Variants in GRID1 observed in about 807,000 individuals in gnomAD.
The protein encoded by GRID1 is glutamate receptor ionotropic, delta-1.
GRID1 carries 28 observed loss-of-function variants against 98.0 expected under a neutral mutation model. That is an observed-to-expected ratio of 0.29 (90% CI 0.21 to 0.39). The LOEUF (loss-of-function observed/expected upper bound fraction) is 0.39, where lower values mean the gene tolerates loss of function less well. Among genes scored for constraint, GRID1 ranks in the 10% least tolerant of loss-of-function variants. The pLI is 1.00. For synonymous variants in GRID1, 553 were observed against 538.5 expected (o/e 1.03, Z -0.37); for missense variants, 1,111 against 1,340.5 (o/e 0.83, Z 2.67).
At chr10:86,272,581 A>G (rs1322469612) in intron 2 of GRID1, among the ~76,000 whole-genome samples, 3 of 152,210 alleles carry the variant, frequency 2.0e-5, no homozygotes, top group Non-Finnish European at 4.4e-5. Flanking sequence ...AAGGATTGAT[A>G]CAAGACACTC....
At chr10:85,909,244 C>G (rs562404593) in intron 5 of GRID1, among the ~76,000 whole-genome samples, 11 of 152,182 alleles carry the variant, frequency 7.2e-5, no homozygotes, top group African/African-American at 2.4e-4. Context: ...CAGTGAGGAC[C>G]ATTACACACC....
chr10:85,859,174 T>G (rs1298771728), intron 6 of GRID1, among the ~76,000 whole-genome samples: 11 of 152,360 alleles, frequency 7.2e-5, no homozygotes, highest in Non-Finnish European at 1.5e-4. Flanking sequence ...CAGCAAACTT[T>G]GAGCTCTTTA....
chr10:85,889,600 T>C (rs775185462), intron 5 of GRID1, among the ~76,000 whole-genome samples: 1 of 152,230 alleles, frequency 6.6e-6, no homozygotes, highest in Non-Finnish European at 1.5e-5. Context: ...GACACTTAGG[T>C]TGTTTCCATA....
intron 2 of GRID1, among the ~76,000 whole-genome samples, chr10:86,253,881 G>T (rs983061513): frequency 3.3e-5 from 5 of 152,016 alleles, no homozygotes; most frequent in Admixed American, 2.6e-4. Flanking sequence ...CTATGACAAA[G>T]CCATACCTTC....
chr10:85,960,101 G>T (rs375879482), intron 4 of GRID1, among the ~76,000 whole-genome samples: 1 of 151,958 alleles, frequency 6.6e-6, no homozygotes, highest in Non-Finnish European at 1.5e-5. Context: ...GTAGAGACAG[G>T]GTTGGCCAGG....
intron 2 of GRID1, among the ~76,000 whole-genome samples, chr10:86,298,323 C>G (rs1190246489): frequency 1.3e-5 from 2 of 152,106 alleles, no homozygotes; most frequent in Non-Finnish European, 2.9e-5. Flanking sequence ...TGTCTATGGA[C>G]CAAGGACTGG....
intron 4 of GRID1, among the ~76,000 whole-genome samples, chr10:86,017,463 A>C (rs1321027541): frequency 6.6e-6 from 1 of 152,210 alleles, no homozygotes; most frequent in Non-Finnish European, 1.5e-5. Context: ...AGCCATCAGC[A>C]TGCGGAGACA....
intron 4 of GRID1, among the ~76,000 whole-genome samples, chr10:86,123,142 G>A (rs1013498891): frequency 1.1e-4 from 16 of 152,308 alleles, no homozygotes; most frequent in East Asian, 7.7e-4. Context: ...CCAGTGCCCC[G>A]GGGGATCTGG....
intron 8 of GRID1, among the ~76,000 whole-genome samples, chr10:85,822,831 A>T (rs1842785448): frequency 1.3e-5 from 2 of 152,244 alleles, no homozygotes; most frequent in Non-Finnish European, 2.9e-5. Flanking sequence ...AATGTGGCAC[A>T]TATACACCAT....
At chr10:85,760,733 A>G (rs1842139520) in intron 8 of GRID1, among the ~76,000 whole-genome samples, 1 of 152,190 alleles carries the variant, frequency 6.6e-6, no homozygotes. Context: ...TTCCTGTTTT[A>G]TCTTCCCTAA....
At chr10:85,684,248 C>T (rs1469772992) in intron 12 of GRID1, among the ~76,000 whole-genome samples, 1 of 151,972 alleles carries the variant, frequency 6.6e-6, no homozygotes, top group Non-Finnish European at 1.5e-5. Context: ...TATACATGCC[C>T]CTAAAACAAT....
intron 4 of GRID1, among the ~76,000 whole-genome samples, chr10:86,076,868 CTTCTTCCCATGG>C (rs1843889828): frequency 7.1e-6 from 1 of 140,984 alleles, no homozygotes; most frequent in Admixed American, 7.1e-5. Flanking sequence ...TCTCTGGCTT[CTTCTTCCCATGG>C]CCTTCTCCCT....
chr10:86,225,226 A>G (rs1846321595), intron 2 of GRID1, among the ~76,000 whole-genome samples: 1 of 152,170 alleles, frequency 6.6e-6, no homozygotes, highest in South Asian at 2.1e-4. Context: ...TGACTTGTCC[A>G]GGAGCCCGAG....
At chr10:85,893,451 C>T (rs1237800578) in intron 5 of GRID1, among the ~76,000 whole-genome samples, 1 of 152,072 alleles carries the variant, frequency 6.6e-6, no homozygotes, top group Non-Finnish European at 1.5e-5. Flanking sequence ...TCACTATATT[C>T]AGGGATGGCA....
At chr10:85,926,207 G>A (rs1172916056) in intron 4 of GRID1, among the ~76,000 whole-genome samples, 3 of 152,146 alleles carry the variant, frequency 2.0e-5, no homozygotes, top group Non-Finnish European at 4.4e-5. Flanking sequence ...CACTGGGGGA[G>A]AAGAGGTGGA....
At chr10:85,920,101 G>A (rs1841681652) in intron 4 of GRID1, among the ~76,000 whole-genome samples, 1 of 152,092 alleles carries the variant, frequency 6.6e-6, no homozygotes, top group Non-Finnish European at 1.5e-5. Flanking sequence ...AGCTTTTCAG[G>A]ATGGAGCCAA....
intron 8 of GRID1, among the ~76,000 whole-genome samples, chr10:85,768,979 T>A (rs1292289365): frequency 6.6e-6 from 1 of 152,228 alleles, no homozygotes; most frequent in South Asian, 2.1e-4. Context: ...AGATTGGAAA[T>A]AGCTTAAATG....
intron 12 of GRID1, among the ~76,000 whole-genome samples, chr10:85,651,143 C>T (rs117120347): frequency 6.6e-6 from 1 of 152,362 alleles, no homozygotes; most frequent in East Asian, 1.9e-4. Flanking sequence ...TCTATAATCT[C>T]TGAAGCCTTA....
intron 3 of GRID1, among the ~76,000 whole-genome samples, chr10:86,196,246 C>T (rs1456537223): frequency 3.9e-5 from 6 of 152,024 alleles, no homozygotes; most frequent in African/African-American, 9.7e-5. Flanking sequence ...CACTGCTTCC[C>T]GGGACAGAGT....
Sources: allele counts gnomAD v4.1 joint callset (sites outside exome capture counted in the v4.1 genomes callset), GRCh38; gene constraint gnomAD v4.1.1; transcripts MANE v1.5; gene names NCBI Gene and HGNC (gene_info 2026-07-23, HGNC 2026-07-21).